Variants in BPTF observed in about 807,000 individuals in gnomAD.
BPTF encodes the protein nucleosome-remodeling factor subunit BPTF.
A neutral mutation model predicts 292.5 loss-of-function variants in BPTF; 18 were observed. The observed-to-expected ratio is 0.06, with a 90% confidence interval of 0.04 to 0.09. The LOEUF (loss-of-function observed/expected upper bound fraction) is 0.09, where lower values mean the gene tolerates loss of function less well. Among genes scored for constraint, BPTF ranks in the 10% least tolerant of loss-of-function variants. The pLI is 1.00. For missense variants in BPTF, 2,726 were observed against 3,498.7 expected, an observed-to-expected ratio of 0.78 and a Z score of 5.57; for synonymous variants, 1,225 against 1,251.9, an observed-to-expected ratio of 0.98 and a Z score of 0.45.
In BPTF at chr17:67,891,859, C is replaced by T. The variant is rs764579304; in HGVS notation, c.1880C>T (p.Ser627Leu). The change falls in exon 5 of 28, where the codon TCG (serine) becomes TTG (leucine). Residue 627 changes from serine to leucine, a missense_variant. This residue lies in a region of BPTF where 187 missense variants were observed against 201.5 expected (regional missense o/e 0.93). Coordinates refer to ENST00000306378, the MANE Select transcript of BPTF (RefSeq NM_182641.4). ...QGKSEVGDFK[S>L]EKSNGELSES... ...CATTTGACAGTAGGTGATTTCAAAT[C>T]GGAGAAGTCCAACGGGGAGCTAAGT... 21 of 1,590,610 alleles carry T rather than the reference C, an allele frequency of 1.3e-5. No individual in the cohort carries two copies. The highest frequency in any genetic ancestry group is 6.9e-5 in the South Asian group (6 of 87,256).
In BPTF at chr17:67,893,426, G is replaced by A. The variant is rs146746807; in HGVS notation, c.2112G>A (p.Val704=). 10 of 1,614,024 alleles carry A rather than the reference G, an allele frequency of 6.2e-6. No homozygotes were observed. The African/African-American group carries it at 9.3e-5, about 15-fold the overall frequency. Residue 704 remains valine, a synonymous_variant, in exon 6 of 28, where the codon GTG becomes GTA. Transcript: ENST00000306378. Reference sequence around the variant, plus strand: ...CACGGTTGAGCACCAAAAAGGAAGTGATCATGAAAGGAAATATCAACAATT... The same window carrying A: ...CACGGTTGAGCACCAAAAAGGAAGTAATCATGAAAGGAAATATCAACAATT... The part of the protein sequence containing the change: ...EISRLSTKKE[V]IMKGNINNYF...
At chr17:67,856,845 A>G (rs1423212448) in intron 2 of BPTF, among the ~76,000 whole-genome samples, 1 of 152,126 alleles carries the variant, frequency 6.6e-6, no homozygotes, top group Non-Finnish European at 1.5e-5. Context: ...TTCACAACTG[A>G]GCGTGGTTTC....
chr17:67,875,578 A>G, intron 4 of BPTF: 1 of 1,557,410 alleles, frequency 6.4e-7, no homozygotes, highest in Non-Finnish European at 8.7e-7. Flanking sequence ...TTGGGGATAA[A>G]GGTAACTCTG....
chr17:67,923,348 C>T (rs1041940300), intron 14 of BPTF, among the ~76,000 whole-genome samples: 5 of 150,776 alleles, frequency 3.3e-5, no homozygotes, highest in South Asian at 2.1e-4. Flanking sequence ...ATGAGCTACC[C>T]TGCCTGGGGT....
chr17:67,929,281 G>T, intron 16 of BPTF, 55 bp from the exon 17 acceptor site: 1 of 1,602,000 alleles, frequency 6.2e-7, no homozygotes, highest in Non-Finnish European at 8.5e-7. Flanking sequence ...CGAGCACCAC[G>T]TAATGCTTTC....
chr17:67,836,528 T>C (rs2057146605), intron 1 of BPTF, among the ~76,000 whole-genome samples: 2 of 152,212 alleles, frequency 1.3e-5, no homozygotes, highest in Admixed American at 6.5e-5. Flanking sequence ...TCTCAAGAGA[T>C]GGTCCAACAT....
chr17:67,867,380 C>T (rs1449711139), intron 3 of BPTF, among the ~76,000 whole-genome samples: 1 of 152,072 alleles, frequency 6.6e-6, no homozygotes, highest in African/African-American at 2.4e-5. Flanking sequence ...TAGATTTATA[C>T]AAAAGTTGCA....
At chr17:67,940,783 G>C in intron 19 of BPTF, 127 bp downstream of exon 19, 1 of 1,029,936 alleles carries the variant, frequency 9.7e-7, no homozygotes, top group Non-Finnish European at 1.4e-6. Context: ...TTGCTTCCTG[G>C]AGTCAAGCAG....
chr17:67,920,135 C>T lies in BPTF; in HGVS notation c.5549C>T (p.Thr1850Ile). The T allele has an allele frequency of 1.2e-6, 2 of 1,610,874 alleles. No individual in the cohort carries two copies. The highest frequency in any genetic ancestry group is 1.1e-5 in the South Asian group (1 of 90,694). ...KIICPIGVPE[T>I]PKETPTPQRK... ...ATTTGTCCCATTGGAGTTCCAGAAA[C>T]ACCAAAAGGTAAGAAATAGAATTCT... The change falls in exon 13 of 28, where the codon ACA becomes ATA. Residue 1850 changes from threonine to isoleucine, a missense_variant. By Grantham distance (89) the Thr-to-Ile change is moderately conservative (BLOSUM62 -1). Coordinates refer to ENST00000306378, the MANE Select transcript of BPTF (RefSeq NM_182641.4).
intron 1 of BPTF, among the ~76,000 whole-genome samples, chr17:67,827,310 C>T (rs1170262430): frequency 2.0e-5 from 3 of 152,236 alleles, no homozygotes; most frequent in African/African-American, 7.2e-5. Flanking sequence ...GAGGAAAAAG[C>T]CCTCCCGAAA....
At chr17:67,826,684 T>C (rs1263827268) in intron 1 of BPTF, among the ~76,000 whole-genome samples, 1 of 151,834 alleles carries the variant, frequency 6.6e-6, no homozygotes, top group Non-Finnish European at 1.5e-5. Flanking sequence ...TTGCATTCAT[T>C]TTTCTCCCCT....
chr17:67,984,155 T>G lies in BPTF; in HGVS notation c.*1867T>G, dbSNP rs1486563477. 6.6e-6 allele frequency: 1 copy of G among 152,600 alleles called. No individual in the cohort carries two copies. The highest frequency in any genetic ancestry group is 1.5e-5 in the Non-Finnish European group (1 of 68,036). 9.5% of individuals were successfully genotyped at this position (152,600 alleles called of 1,614,324 possible). On this transcript the variant is annotated 3_prime_UTR_variant, in exon 28 of 28. Coordinates refer to ENST00000306378, the MANE Select transcript of BPTF (RefSeq NM_182641.4). ...TCTACATTTTAATGAGTTATAAAATTATTCTGCATCTCATCACGTCACAGT... is the reference window on the plus strand; with the variant it reads ...TCTACATTTTAATGAGTTATAAAATGATTCTGCATCTCATCACGTCACAGT...
intron 21 of BPTF, among the ~76,000 whole-genome samples, chr17:67,947,137 G>T (rs1397304793): frequency 1.3e-5 from 2 of 152,148 alleles, no homozygotes; most frequent in Non-Finnish European, 2.9e-5. Context: ...ATTAAATGAG[G>T]TCATAAATGT....
At chr17:67,939,220 G>A (rs2065169694) in intron 18 of BPTF, among the ~76,000 whole-genome samples, 1 of 152,230 alleles carries the variant, frequency 6.6e-6, no homozygotes, top group Admixed American at 6.5e-5. Flanking sequence ...ACAAAAAGGT[G>A]TGGGGGAAGT....
chr17:67,891,700 C>T (rs1391442600), intron 4 of BPTF, 144 bp from the exon 5 acceptor site: 9 of 468,636 alleles, frequency 1.9e-5, no homozygotes, highest in Middle Eastern at 4.8e-4. Context: ...AATAATGATA[C>T]TTGCTTTGCC....
At position 67,874,815 on chromosome 17, in the gene BPTF, A is replaced by G. The variant is rs2059957850; in HGVS notation, c.1661-2A>G. On this transcript the variant is annotated splice_acceptor_variant, in intron 3 of 27. Transcript: ENST00000306378. LOFTEE classifies it high-confidence loss of function. ...TTTTTTTGTTTGTTTTACACATTAT[A>G]GAAGAAATTTTGGAATCCATAAGAG... is the stretch of plus-strand genomic sequence containing the variant. The G allele has an allele frequency of 1.9e-6, 3 of 1,600,788 alleles. No homozygotes were observed. The highest frequency in any genetic ancestry group is 1.4e-5 in the African/African-American group (1 of 73,846).
At chr17:67,864,984 T>A (rs2059312932) in intron 2 of BPTF, among the ~76,000 whole-genome samples, 1 of 152,016 alleles carries the variant, frequency 6.6e-6, no homozygotes, top group Admixed American at 6.6e-5. Context: ...TTTTTTGTAT[T>A]TTTAGTAGAG....
intron 4 of BPTF, chr17:67,875,823 A>G (rs1484906174): frequency 1.1e-5 from 13 of 1,192,028 alleles, no homozygotes; most frequent in Non-Finnish European, 2.2e-6. Flanking sequence ...TGTCACCTAA[A>G]ACCTTAAACT....
chr17:67,843,157 T>A (rs2057701372), intron 1 of BPTF, among the ~76,000 whole-genome samples: 1 of 149,332 alleles, frequency 6.7e-6, no homozygotes, highest in African/African-American at 2.4e-5. Context: ...TAAATATATA[T>A]CTACATATAT....
Sources: allele counts gnomAD v4.1 joint callset (sites outside exome capture counted in the v4.1 genomes callset), GRCh38; gene constraint gnomAD v4.1.1; regional missense constraint gnomAD v4.1.1; transcripts MANE v1.5; gene names NCBI Gene and HGNC (gene_info 2026-07-23, HGNC 2026-07-21).